Variants in ZNF292 observed in about 807,000 individuals in gnomAD.
ZNF292 encodes the protein 16 zinc-finger domain protein.
A neutral mutation model predicts 217.9 loss-of-function variants in ZNF292; 26 were observed. The observed-to-expected ratio is 0.12, with a 90% CI of 0.09 to 0.17. The LOEUF is 0.17. ZNF292 is among the 10% of genes least tolerant of loss of function. The pLI is 1.00. For missense variants in ZNF292, 2,904 were observed against 3,175.2 expected, an observed-to-expected ratio of 0.91 and a Z score of 2.05; for synonymous variants, 1,257 against 1,124.1, an observed-to-expected ratio of 1.12 and a Z score of -2.37.
At chr6:87,246,185 C>T (rs570875420) in intron 7 of ZNF292, among the ~76,000 whole-genome samples, 1 of 152,140 alleles carries the variant, frequency 6.6e-6, no homozygotes, top group Non-Finnish European at 1.5e-5. Flanking sequence ...GAGCTGAGAT[C>T]GTGCCTCTGC....
intron 5 of ZNF292, among the ~76,000 whole-genome samples, chr6:87,234,575 T>A (rs1773809351): frequency 6.6e-6 from 1 of 151,654 alleles, no homozygotes; most frequent in African/African-American, 2.4e-5. Flanking sequence ...AAAAAAAAAT[T>A]TTTTTTAAAG....
At chr6:87,212,356 A>G (rs1772528149) in intron 1 of ZNF292, among the ~76,000 whole-genome samples, 1 of 152,150 alleles carries the variant, frequency 6.6e-6, no homozygotes, top group South Asian at 2.1e-4. Flanking sequence ...ATCATTGGCC[A>G]TTGGTGATTG....
chr6:87,234,544 G>A (rs1426651391), intron 5 of ZNF292, among the ~76,000 whole-genome samples: 1 of 151,116 alleles, frequency 6.6e-6, no homozygotes, highest in Admixed American at 6.6e-5. Context: ...GGGTGACAGT[G>A]TGAGACTCTG....
At chr6:87,161,738 G>C (rs779923300) in intron 1 of ZNF292, among the ~76,000 whole-genome samples, 16 of 152,092 alleles carry the variant, frequency 1.1e-4, no homozygotes, top group Non-Finnish European at 2.1e-4. Context: ...TTTGTTGTTT[G>C]TTTTGTTTTG....
intron 1 of ZNF292, among the ~76,000 whole-genome samples, chr6:87,183,257 T>G (rs942794107): frequency 6.6e-6 from 1 of 152,184 alleles, no homozygotes; most frequent in Non-Finnish European, 1.5e-5. Context: ...CTAATAATCT[T>G]AAAGGCAAAT....
intron 1 of ZNF292, among the ~76,000 whole-genome samples, chr6:87,189,486 T>A (rs1263562682): frequency 6.6e-6 from 1 of 152,138 alleles, no homozygotes; most frequent in East Asian, 1.9e-4. Context: ...CCATCTAGGA[T>A]ACACATTACA....
intron 1 of ZNF292, chr6:87,215,171 A>G (rs929782821): frequency 1.3e-4 from 19 of 150,786 alleles, no homozygotes; most frequent in African/African-American, 4.2e-4. Flanking sequence ...GTGTTTCTGT[A>G]TAACTTATCT....
rs1296663738 is a variant in ZNF292, at chr6:87,160,489, A to ATGTGTG, written c.168+4731_168+4732insGTGTGT. ...TACATACGTACATGTGTTTGTATATATATGTGTGTGTGTGTGTGTGTGTGT... is the reference window on the plus strand; with the variant it reads ...TACATACGTACATGTGTTTGTATATATGTGTGTATGTGTGTGTGTGTGTGTGTGTGT... On this transcript the variant is annotated intron_variant, in intron 1 of 7. Coordinates refer to ENST00000369577, the MANE Select transcript of ZNF292 (RefSeq NM_015021.3). 1.2e-3 allele frequency among the ~76,000 whole-genome samples: 121 copies of ATGTGTG among 98,780 alleles called. 1 individual carries two copies. The highest frequency in any genetic ancestry group is 2.1e-3 in the Non-Finnish European group (88 of 42,140). 64.8% of individuals were successfully genotyped at this position (98,780 alleles called of 152,430 possible). A position where few individuals can be genotyped will look rare whatever the true frequency, so the allele number is the denominator to read the frequency against.
chr6:87,260,723 T>C lies in ZNF292; in HGVS notation c.7094T>C (p.Val2365Ala), dbSNP rs1339396166. The C allele has an allele frequency of 2.5e-6, 4 of 1,613,392 alleles. No homozygotes were observed. Among genetic ancestry groups the C allele is most frequent in the Non-Finnish European group, 3.4e-6 (4 of 1,179,658 alleles). ...TATTCTCTGAAACGTGGGAAGCATG[T>C]ATATTCTATAAAGGCTAGAAATGAT... ...KPYSLKRGKH[V>A]YSIKARNDAL... The change falls in exon 8 of 8, where the codon GTA becomes GCA. Residue 2365 changes from valine to alanine, a missense_variant. By Grantham distance (64) the Val-to-Ala change is moderately conservative. Around this residue, in one of 15 missense-constraint regions of ZNF292, gnomAD observed 101 missense variants for 89.5 expected, o/e 1.13. Transcript: ENST00000369577.
At chr6:87,221,562 A>G (rs1773081924) in intron 4 of ZNF292, among the ~76,000 whole-genome samples, 1 of 152,204 alleles carries the variant, frequency 6.6e-6, no homozygotes, top group Admixed American at 6.5e-5. Context: ...GCCATAGTAA[A>G]GTATAAATCT....
chr6:87,196,604 A>G (rs977366392), intron 1 of ZNF292, among the ~76,000 whole-genome samples: 1 of 152,266 alleles, frequency 6.6e-6, no homozygotes. Flanking sequence ...TGGACCAAGC[A>G]TTCAGAAGCT....
chr6:87,192,925 T>C (rs922497733), intron 1 of ZNF292, among the ~76,000 whole-genome samples: 1 of 152,208 alleles, frequency 6.6e-6, no homozygotes, highest in East Asian at 1.9e-4. Flanking sequence ...GGATAAGGAA[T>C]AGATTTGACC....
Position 87,255,711 on chromosome 6 carries a change from C to G in ZNF292, c.2082C>G (p.Tyr694Ter), listed in dbSNP as rs1215004503. The change falls in exon 8 of 8, where the codon TAC becomes TAG. Residue 694 changes from tyrosine to a stop codon, truncating the protein, a stop_gained. Transcript: ENST00000369577. LOFTEE classifies it high-confidence loss of function. ...CTTTTTGTAAAAAGGGCTTTAAGTA[C>G]TTTAAAAATTTAATTGCTCATGTGA... The part of the protein sequence containing the change: ...PVTFCKKGFK[Y>*]FKNLIAHVKG... 1 of 1,613,234 alleles carries G rather than the reference C, an allele frequency of 6.2e-7. No individual in the cohort carries two copies. Among genetic ancestry groups the G allele is most frequent in the Non-Finnish European group, 8.5e-7 (1 of 1,179,646 alleles).
chr6:87,155,830 G>C (rs1002093661), intron 1 of ZNF292, 71 bp downstream of exon 1: 3 of 1,452,832 alleles, frequency 2.1e-6, no homozygotes, highest in African/African-American at 1.4e-5. Flanking sequence ...AGCGCTAGGC[G>C]GCCGAGAGGT....
intron 1 of ZNF292, among the ~76,000 whole-genome samples, chr6:87,191,760 G>T (rs766886750): frequency 6.6e-6 from 1 of 152,164 alleles, no homozygotes; most frequent in Non-Finnish European, 1.5e-5. Flanking sequence ...TCCGCTTCCC[G>T]GGTTCAAGCG....
chr6:87,245,716 G>A (rs185642825), intron 7 of ZNF292, 72 bp downstream of exon 7: 3 of 997,970 alleles, frequency 3.0e-6, no homozygotes, highest in Non-Finnish European at 4.1e-6. Context: ...TAACTTTTAT[G>A]ATTTTGGCTC....
chr6:87,162,213 T>C (rs549711310), intron 1 of ZNF292, among the ~76,000 whole-genome samples: 44 of 152,342 alleles, frequency 2.9e-4, no homozygotes, highest in African/African-American at 1.0e-3. Flanking sequence ...TTAGCCATTA[T>C]TGGTGCCTGA....
At chr6:87,190,838 G>A (rs541022252) in intron 1 of ZNF292, among the ~76,000 whole-genome samples, 27 of 152,196 alleles carry the variant, frequency 1.8e-4, no homozygotes, top group African/African-American at 6.3e-4. Flanking sequence ...AGTATTGATA[G>A]TCTTTTTGCA....
At position 87,256,719 on chromosome 6, in the gene ZNF292, C is replaced by G. The variant is rs547133043; in HGVS notation, c.3090C>G (p.Thr1030=). 3.1e-6 allele frequency: 5 copies of G among 1,612,812 alleles called. No individual in the cohort carries two copies. The Admixed American group carries it at 8.3e-5, about 27-fold the overall frequency. The change falls in exon 8 of 8, where the codon ACC becomes ACG. Residue 1030 remains threonine, a synonymous_variant. Coordinates refer to ENST00000369577, the MANE Select transcript of ZNF292 (RefSeq NM_015021.3). ...NLERQVNNLM[T]FSVQNQAAFQ... is the part of the protein sequence containing the mutation. ...AAAGACAAGTGAACAACTTGATGAC[C>G]TTTTCTGTGCAAAATCAGGCAGCAT...
Sources: gnomAD v4.1 joint callset for allele counts (sites outside exome capture counted in the v4.1 genomes callset) on GRCh38, gnomAD v4.1.1 for gene constraint, gnomAD v4.1.1 regional missense constraint, MANE v1.5 for transcripts, NCBI Gene and HGNC (gene_info 2026-07-23, HGNC 2026-07-21) for gene names.